Variants in LIPA observed in about 807,000 individuals in gnomAD.
LIPA encodes lipase A, lysosomal acid type.
In LIPA, 26 loss-of-function variants were observed where a neutral mutation model predicts 40.6. The ratio of observed to expected loss-of-function variants is 0.64; its 90% CI spans 0.47 to 0.89. The LOEUF is 0.89. Among genes scored for constraint, LIPA ranks in the 40% least tolerant of loss-of-function variants. LIPA has a pLI of 0.00. For synonymous variants in LIPA, 188 were observed against 168.4 expected (o/e 1.12, Z -0.90); for missense variants, 455 against 479.6 (o/e 0.95, Z 0.48).
chr10:89,412,218 G>T (rs1841474642), intron 2 of LIPA, among the ~76,000 whole-genome samples: 1 of 152,158 alleles, frequency 6.6e-6, no homozygotes, highest in African/African-American at 2.4e-5. Flanking sequence ...GGATTGAGAG[G>T]TGAAGCTGGC....
intron 2 of LIPA, among the ~76,000 whole-genome samples, chr10:89,356,361 T>C (rs1342801146): frequency 2.0e-5 from 3 of 152,144 alleles, no homozygotes; most frequent in Non-Finnish European, 4.4e-5. Context: ...GGCTACAGAC[T>C]GGTAGTAGTC....
upstream of LIPA, among the ~76,000 whole-genome samples, chr10:89,253,641 T>TA (rs763309769): frequency 2.6e-5 from 4 of 152,198 alleles, no homozygotes; most frequent in Non-Finnish European, 5.9e-5. Context: ...GCCTTCCCAG[T>TA]AGTCCCCCAA....
chr10:89,216,050 A>C, intron 8 of LIPA, 41 bp from the exon 9 acceptor site: 1 of 1,312,556 alleles, frequency 7.6e-7, no homozygotes, highest in Non-Finnish European at 1.1e-6. Flanking sequence ...TCTGACACCA[A>C]AGTTAGAGAT....
At chr10:89,287,415 C>A (rs1191638775) in intron 1 of LIPA, among the ~76,000 whole-genome samples, 1 of 152,120 alleles carries the variant, frequency 6.6e-6, no homozygotes, top group Non-Finnish European at 1.5e-5. Context: ...TTTTATGCAC[C>A]CTTTTTTAAT....
rs2254636 is a variant in LIPA, at chr10:89,227,250, T to C, written c.429-246A>G. 0.85 allele frequency among the ~76,000 whole-genome samples: 129,174 copies of C among 152,254 alleles called. 55,113 individuals carry two copies. The highest frequency in any genetic ancestry group is 0.98 in the East Asian group (5,069 of 5,188). ...ATTAGTTTCGCCTGTTTTTAAATAT[T>C]TCTGTAAGTAGAATTATACAATGTG... On this transcript the variant is annotated intron_variant, in intron 4 of 9. Coordinates refer to ENST00000336233, the MANE Select transcript of LIPA (RefSeq NM_000235.4).
intron 3 of LIPA, among the ~76,000 whole-genome samples, chr10:89,230,738 T>C (rs997612268): frequency 5.9e-5 from 9 of 152,194 alleles, no homozygotes; most frequent in Non-Finnish European, 8.8e-5. Flanking sequence ...ATAATACACA[T>C]TTTATAGGAC....
At chr10:89,379,732 T>C (rs1844148089) in intron 2 of LIPA, among the ~76,000 whole-genome samples, 2 of 152,132 alleles carry the variant, frequency 1.3e-5, no homozygotes, top group African/African-American at 2.4e-5. Context: ...AACGGGCTCC[T>C]GGTCATAAGA....
At chr10:89,275,706 G>C in intron 1 of LIPA, among the ~76,000 whole-genome samples, 1 of 152,182 alleles carries the variant, frequency 6.6e-6, no homozygotes, top group East Asian at 1.9e-4. Context: ...TAGAAAACTA[G>C]TGATCTACTT....
At chr10:89,251,137 C>T (rs918729636) in intron 1 of LIPA, among the ~76,000 whole-genome samples, 8 of 152,244 alleles carry the variant, frequency 5.3e-5, no homozygotes, top group African/African-American at 1.7e-4. Context: ...AGGCGCCAGC[C>T]ACCGCAGGCA....
intron 1 of LIPA, among the ~76,000 whole-genome samples, chr10:89,262,626 A>G (rs1057226338): frequency 1.3e-5 from 2 of 152,224 alleles, no homozygotes; most frequent in African/African-American, 2.4e-5. Flanking sequence ...CTGGCCCAGC[A>G]CCTTGAGATC....
intron 8 of LIPA, among the ~76,000 whole-genome samples, chr10:89,218,124 C>T (rs1397330237): frequency 6.6e-6 from 1 of 151,904 alleles, no homozygotes; most frequent in African/African-American, 2.4e-5. Flanking sequence ...TAGGATAAAC[C>T]GTTTTAAAAT....
At chr10:89,345,265 A>G (rs915381724), upstream of LIPA, among the ~76,000 whole-genome samples, 3 of 152,080 alleles carry the variant, frequency 2.0e-5, no homozygotes, top group African/African-American at 7.2e-5. Context: ...GCAGTGCCTC[A>G]TGCCTGTAAT....
intron 2 of LIPA, among the ~76,000 whole-genome samples, chr10:89,353,768 G>A (rs900636845): frequency 2.6e-5 from 4 of 152,012 alleles, no homozygotes; most frequent in Admixed American, 1.3e-4. Flanking sequence ...GTGAAAACCC[G>A]TCTCTACTAA....
At chr10:89,327,029 C>T (rs955676794) in intron 1 of LIPA, among the ~76,000 whole-genome samples, 2 of 152,196 alleles carry the variant, frequency 1.3e-5, no homozygotes, top group East Asian at 1.9e-4. Flanking sequence ...GGAAGCGGGG[C>T]AGCTTCCAAG....
intron 1 of LIPA, among the ~76,000 whole-genome samples, chr10:89,260,355 A>T (rs1843201122): frequency 6.6e-6 from 1 of 152,238 alleles, no homozygotes; most frequent in Admixed American, 6.5e-5. Context: ...TTCCGAGCTG[A>T]ACAAGGATAC....
chr10:89,273,815 G>T (rs551324456), intron 1 of LIPA, among the ~76,000 whole-genome samples: 1 of 152,298 alleles, frequency 6.6e-6, no homozygotes, highest in African/African-American at 2.4e-5. Flanking sequence ...TGAACATGAA[G>T]AATTCATAGG....
At chr10:89,260,227 A>G (rs138187698) in intron 1 of LIPA, among the ~76,000 whole-genome samples, 2 of 152,308 alleles carry the variant, frequency 1.3e-5, no homozygotes, top group African/African-American at 4.8e-5. Context: ...CATGAAGATG[A>G]TATTTAAACT....
In LIPA at chr10:89,223,940, C is replaced by T. The variant is rs73357745; in HGVS notation, c.676-110G>A. On this transcript the variant is annotated intron_variant, in intron 6 of 9. Transcript: ENST00000336233. ...AAGTACCCAATGTCTCCACGAATGG[C>T]CTCAGGAGAGAATGGCAACCAGTGG... The T allele has an allele frequency of 8.5e-4, 967 of 1,141,666 alleles. 9 individuals carry two copies. In the African/African-American group the frequency reaches 0.012, roughly 14 times the overall value. 70.7% of individuals were successfully genotyped at this position (1,141,666 alleles called of 1,614,324 possible).
intron 1 of LIPA, among the ~76,000 whole-genome samples, chr10:89,294,167 T>C (rs1843394760): frequency 6.6e-6 from 1 of 152,266 alleles, no homozygotes; most frequent in African/African-American, 2.4e-5. Context: ...TATTTCTGAA[T>C]AGGACTATGG....
Sources: gnomAD v4.1 joint callset for allele counts (sites outside exome capture counted in the v4.1 genomes callset) on GRCh38, gnomAD v4.1.1 for gene constraint, MANE v1.5 for transcripts, NCBI Gene and HGNC (gene_info 2026-07-23, HGNC 2026-07-21) for gene names.